The following TMEM119 variants were observed in gnomAD, a reference collection of about 807,000 sequenced individuals.
TMEM119 encodes the protein transmembrane protein 119.
For missense variants in TMEM119, 410 were observed against 381.0 expected (o/e 1.08, Z -0.63); for synonymous variants, 182 against 176.4 (o/e 1.03, Z -0.25).
intron 1 of TMEM119, among the ~76,000 whole-genome samples, chr12:108,596,842 G>A (rs1454589277): frequency 6.6e-6 from 1 of 152,270 alleles, no homozygotes; most frequent in African/African-American, 2.4e-5. Context: ...CTCAGGTCCA[G>A]AGACTGGAAA....
intron 1 of TMEM119, among the ~76,000 whole-genome samples, chr12:108,595,661 C>A (rs115129980): frequency 3.6e-4 from 54 of 151,316 alleles, no homozygotes; most frequent in African/African-American, 1.2e-3. Context: ...ACACATACAC[C>A]ACACACACTC....
Position 108,591,543 on chromosome 12 carries a change from G to A in TMEM119, c.841C>T (p.Pro281Ser), listed in dbSNP as rs1338177321. The change falls in exon 2 of 2, where the codon CCC becomes TCC. Residue 281 changes from proline to serine, a missense_variant. By Grantham distance (74) the Pro-to-Ser change is moderately conservative. Transcript: ENST00000392806. The surrounding 1 kb of genome is among the most constrained non-coding windows in gnomAD (Gnocchi z 4.2). ...ESPCACSSVH[P>S]SV ...GCCCGGGAGGACTGTTAGACACTGG[G>A]GTGGACACTGCTGCAAGCACAGGGG... The A allele has an allele frequency of 1.9e-6, 3 of 1,606,188 alleles. No homozygotes were observed. Among genetic ancestry groups the A allele is most frequent in the Non-Finnish European group, 2.6e-6 (3 of 1,176,024 alleles).
chr12:108,595,841 G>A (rs2031496692), intron 1 of TMEM119, among the ~76,000 whole-genome samples: 1 of 152,182 alleles, frequency 6.6e-6, no homozygotes, highest in Non-Finnish European at 1.5e-5. Flanking sequence ...TGGGGTCTGT[G>A]ACCTGCCAGT....
chr12:108,595,843 C>T (rs1178102784), intron 1 of TMEM119, among the ~76,000 whole-genome samples: 3 of 152,190 alleles, frequency 2.0e-5, no homozygotes, highest in Non-Finnish European at 2.9e-5. Flanking sequence ...GGGTCTGTGA[C>T]CTGCCAGTCA....
chr12:108,592,143 T>C lies in TMEM119; in HGVS notation c.241A>G (p.Thr81Ala). The C allele has an allele frequency of 6.2e-7, 1 of 1,613,852 alleles. No homozygotes were observed. The highest frequency in any genetic ancestry group is 2.2e-5 in the East Asian group (1 of 44,854). ...PITLGGPSPP[T>A]NFLDGIVDFF... ...TCCACTATCCCATCCAGGAAGTTGGTGGGGGGTGATGGGCCCCCCAGGGTT... is the reference window on the plus strand; with the variant it reads ...TCCACTATCCCATCCAGGAAGTTGGCGGGGGGTGATGGGCCCCCCAGGGTT... Residue 81 changes from threonine to alanine, a missense_variant, in exon 2 of 2, where the codon ACC becomes GCC. Transcript: ENST00000392806. This position sits in a 1 kb window ranked among gnomAD's most constrained non-coding sequence, Gnocchi z 4.3.
chr12:108,592,462 G>T lies in TMEM119; in HGVS notation c.-14-65C>A, dbSNP rs2031431057. ...CTAGAGTGTCAGGATTCAGAAACAGGCTCACCAGCCCCCAGGAGGAACAGG... is the reference window on the plus strand; with the variant it reads ...CTAGAGTGTCAGGATTCAGAAACAGTCTCACCAGCCCCCAGGAGGAACAGG... On this transcript the variant is annotated intron_variant, in intron 1 of 1. Transcript: ENST00000392806. The surrounding 1 kb of genome is among the most constrained non-coding windows in gnomAD (Gnocchi z 4.3). 1 of 1,465,096 alleles carries T rather than the reference G, an allele frequency of 6.8e-7. No individual in the cohort carries two copies. Among genetic ancestry groups the T allele is most frequent in the Non-Finnish European group, 9.0e-7 (1 of 1,108,636 alleles). The allele number at this position is 1,465,096 out of a possible 1,614,324, so 90.8% of individuals were successfully genotyped here.
Position 108,591,463 on chromosome 12 carries a change from G to A in TMEM119, c.*69C>T. 1 of 1,493,860 alleles carries A rather than the reference G, an allele frequency of 6.7e-7. No individual in the cohort carries two copies. Among genetic ancestry groups the A allele is most frequent in the Non-Finnish European group, 8.9e-7 (1 of 1,121,452 alleles). The allele number at this position is 1,493,860 out of a possible 1,614,324, so 92.5% of individuals were successfully genotyped here. A position where few individuals can be genotyped will look rare whatever the true frequency, so the allele number is the denominator to read the frequency against. ...TGTCAGGAAGCAGTCAGGGCTGAAG[G>A]CCTTTTCATACACGGGGAGGTGACC... On this transcript the variant is annotated 3_prime_UTR_variant, in exon 2 of 2. Coordinates refer to ENST00000392806, the MANE Select transcript of TMEM119 (RefSeq NM_181724.3). This position sits in a 1 kb window ranked among gnomAD's most constrained non-coding sequence, Gnocchi z 4.2.
At chr12:108,595,378 CCA>C (rs1378976018) in intron 1 of TMEM119, among the ~76,000 whole-genome samples, 12 of 146,374 alleles carry the variant, frequency 8.2e-5, no homozygotes, top group African/African-American at 1.5e-4. Context: ...TGCACACACA[CCA>C]CACACAACCA....
At chr12:108,597,803 G>A (rs1049177938) in intron 1 of TMEM119, among the ~76,000 whole-genome samples, 167 bp downstream of exon 1, 12 of 139,706 alleles carry the variant, frequency 8.6e-5, no homozygotes, top group African/African-American at 2.3e-4. Context: ...CCCCAGCACC[G>A]CACACGGGAC....
intron 1 of TMEM119, among the ~76,000 whole-genome samples, chr12:108,595,311 G>A (rs747931984): frequency 2.9e-5 from 4 of 138,828 alleles, no homozygotes; most frequent in Non-Finnish European, 6.2e-5. Flanking sequence ...ATGCACACAC[G>A]CCACACACAC....
At chr12:108,593,256 C>A (rs1391474684) in intron 1 of TMEM119, among the ~76,000 whole-genome samples, 1 of 152,048 alleles carries the variant, frequency 6.6e-6, no homozygotes, top group Non-Finnish European at 1.5e-5. Context: ...CCAGCCTGGC[C>A]ATCATGGTGA....
chr12:108,592,171 G>A lies in TMEM119; in HGVS notation c.213C>T (p.Pro71=). Reference sequence around the variant, plus strand: ...GGGGTGATGGGCCCCCCAGGGTTATGGGCTGGGGCCCCATCGATGTGGGGC... The same window carrying A: ...GGGGTGATGGGCCCCCCAGGGTTATAGGCTGGGGCCCCATCGATGTGGGGC... The part of the protein sequence containing the change: ...ALSPTSMGPQ[P]ITLGGPSPPT... Residue 71 remains proline (P), a synonymous_variant, in exon 2 of 2, where the codon CCC becomes CCT. Transcript: ENST00000392806. This position sits in a 1 kb window ranked among gnomAD's most constrained non-coding sequence, Gnocchi z 4.3. 6.2e-7 allele frequency: 1 copy of A among 1,613,892 alleles called. No homozygotes were observed. The highest frequency in any genetic ancestry group is 8.5e-7 in the Non-Finnish European group (1 of 1,179,936).
rs1310141402 is a variant in TMEM119 at position 108,591,489 on chromosome 12, A to G, written c.*43T>C. The G allele has an allele frequency of 6.5e-7, 1 of 1,529,512 alleles. No individual in the cohort carries two copies. The highest frequency in any genetic ancestry group is 8.8e-7 in the Non-Finnish European group (1 of 1,140,656). 94.7% of individuals were successfully genotyped at this position (1,529,512 alleles called of 1,614,324 possible). A position where few individuals can be genotyped will look rare whatever the true frequency, so the allele number is the denominator to read the frequency against. Reference sequence around the variant, plus strand: ...CCTTTTCATACACGGGGAGGTGACCACTTGGGGGCCCGACAGTCAGGGCTG... The same window carrying G: ...CCTTTTCATACACGGGGAGGTGACCGCTTGGGGGCCCGACAGTCAGGGCTG... On this transcript the variant is annotated 3_prime_UTR_variant, in exon 2 of 2. Transcript: ENST00000392806. This position sits in a 1 kb window ranked among gnomAD's most constrained non-coding sequence, Gnocchi z 4.2.
At chr12:108,596,579 C>T (rs2031508608) in intron 1 of TMEM119, among the ~76,000 whole-genome samples, 1 of 152,200 alleles carries the variant, frequency 6.6e-6, no homozygotes, top group Non-Finnish European at 1.5e-5. Flanking sequence ...AAGGTGGGGG[C>T]AACGTATGGA....
intron 1 of TMEM119, among the ~76,000 whole-genome samples, chr12:108,595,251 A>G (rs2031484128): frequency 6.6e-6 from 1 of 151,624 alleles, no homozygotes; most frequent in South Asian, 2.1e-4. Context: ...AACCATTCAT[A>G]CACGCCACAC....
At position 108,592,176 on chromosome 12, in the gene TMEM119, G is replaced by A; in HGVS notation, c.208C>T (p.Gln70Ter). The change falls in exon 2 of 2, where the codon CAG becomes TAG. Residue 70 changes from glutamine to a stop codon, truncating the protein, a stop_gained. Coordinates refer to ENST00000392806, the MANE Select transcript of TMEM119 (RefSeq NM_181724.3). LOFTEE classifies it low-confidence loss of function (END_TRUNC). This position sits in a 1 kb window ranked among gnomAD's most constrained non-coding sequence, Gnocchi z 4.3. ...GATGGGCCCCCCAGGGTTATGGGCT[G>A]GGGCCCCATCGATGTGGGGCTGAGG... ...PALSPTSMGP[Q>*]PITLGGPSPP... The A allele has an allele frequency of 1.2e-6, 2 of 1,613,810 alleles. No individual in the cohort carries two copies. Among genetic ancestry groups the A allele is most frequent in the Non-Finnish European group, 1.7e-6 (2 of 1,179,864 alleles).
chr12:108,595,440 C>T (rs1325680606), intron 1 of TMEM119, among the ~76,000 whole-genome samples: 1 of 149,464 alleles, frequency 6.7e-6, no homozygotes, highest in Non-Finnish European at 1.5e-5. Context: ...CACACATGCA[C>T]ATACTACACA....
At chr12:108,593,398 C>G (rs911306307) in intron 1 of TMEM119, among the ~76,000 whole-genome samples, 1 of 151,824 alleles carries the variant, frequency 6.6e-6, no homozygotes, top group Non-Finnish European at 1.5e-5. Flanking sequence ...GAGCCGAGAT[C>G]GCGCCACTGC....
intron 1 of TMEM119, chr12:108,594,530 G>A (rs2031471976): frequency 1.0e-5 from 1 of 99,582 alleles, no homozygotes; most frequent in South Asian, 3.5e-4. Flanking sequence ...TCCAGCCTGG[G>A]TGACAGAGCA....
Sources: gnomAD v4.1 joint callset for allele counts (sites outside exome capture counted in the v4.1 genomes callset) on GRCh38, gnomAD v4.1.1 for gene constraint, Gnocchi (gnomAD v3.1) non-coding constraint, MANE v1.5 for transcripts, NCBI Gene and HGNC (gene_info 2026-07-23, HGNC 2026-07-21) for gene names.